The following TMEM164 variants were observed in gnomAD, a reference collection of about 807,000 sequenced individuals.
TMEM164 encodes the protein RP13-360B22.2.
In TMEM164, 4 loss-of-function variants were observed where a neutral mutation model predicts 18.8. That is an observed-to-expected ratio of 0.21 (90% CI 0.10 to 0.49). TMEM164 has a LOEUF of 0.49. TMEM164 is among the 20% of genes least tolerant of loss of function. TMEM164 has a pLI of 0.98. For missense variants in TMEM164, 108 were observed against 239.9 expected (o/e 0.45, Z 3.63); for synonymous variants, 86 against 101.7 (o/e 0.85, Z 0.93).
intron 3 of TMEM164, among the ~76,000 whole-genome samples, chrX:110,105,749 ATGAGAGAGAGAGAG>A (rs2066188820): frequency 1.9e-5 from 1 of 53,914 alleles, no homozygotes; most frequent in Non-Finnish European, 3.5e-5. Context: ...GAGAGAGAGA[ATGAGAGAGAGAGAG>A]AGAGAGAGAG....
chrX:110,022,588 C>T (rs996364301), intron 2 of TMEM164, among the ~76,000 whole-genome samples: 3 of 111,360 alleles, frequency 2.7e-5, no homozygotes, highest in African/African-American at 3.3e-5. Context: ...TAAAATCTGA[C>T]GTATTTGAAA....
At chrX:110,009,534 G>A (rs1932906731) in intron 2 of TMEM164, among the ~76,000 whole-genome samples, 1 of 111,935 alleles carries the variant, frequency 8.9e-6, no homozygotes. Context: ...TTAAAGTAAA[G>A]GAGTAGTGGA....
intron 2 of TMEM164, among the ~76,000 whole-genome samples, chrX:110,031,721 G>T (rs1934518049): frequency 9.0e-6 from 1 of 110,522 alleles, no homozygotes; most frequent in East Asian, 2.8e-4. Flanking sequence ...GAAGTACAGT[G>T]TGAGATTTTG....
At chrX:110,027,502 G>A (rs1405680004) in intron 2 of TMEM164, among the ~76,000 whole-genome samples, 1 of 111,683 alleles carries the variant, frequency 9.0e-6, no homozygotes, top group Non-Finnish European at 1.9e-5. Context: ...TCACATGCCT[G>A]TAATCCTAGC....
intron 2 of TMEM164, among the ~76,000 whole-genome samples, chrX:110,035,748 G>A (rs867190663): frequency 2.8e-5 from 3 of 108,083 alleles, no homozygotes; most frequent in Non-Finnish European, 3.8e-5. Context: ...CAAGTGATCC[G>A]CCCACTTCGG....
chrX:110,044,803 C>T (rs900633221), intron 2 of TMEM164, among the ~76,000 whole-genome samples: 2 of 108,319 alleles, frequency 1.8e-5, no homozygotes, highest in Non-Finnish European at 3.8e-5. Context: ...CTCCTCTGTC[C>T]TAGGCACTTG....
intron 4 of TMEM164, among the ~76,000 whole-genome samples, chrX:110,127,870 T>G (rs1280734162): frequency 8.9e-6 from 1 of 111,902 alleles, no homozygotes; most frequent in African/African-American, 3.2e-5. Flanking sequence ...CCATGGACCC[T>G]GCGTATGATA....
intron 5 of TMEM164, among the ~76,000 whole-genome samples, chrX:110,166,289 T>C (rs1240770179): frequency 8.9e-6 from 1 of 112,612 alleles, no homozygotes; most frequent in Non-Finnish European, 1.9e-5. Context: ...TCAGTGTCCC[T>C]GTTACTTAAT....
rs1396577064 is a variant in TMEM164 at position 110,133,311 on chromosome X, T to C, written c.508-11487T>C. Reference sequence around the variant, plus strand: ...GATTGCAGGCACCTGCCACCACACCTGGCTAATTTTTGTACTTTTAGTAGA... The same window carrying C: ...GATTGCAGGCACCTGCCACCACACCCGGCTAATTTTTGTACTTTTAGTAGA... On this transcript the variant is annotated intron_variant, in intron 4 of 6. Transcript: ENST00000372068. 2.7e-5 allele frequency among the ~76,000 whole-genome samples: 3 copies of C among 111,271 alleles called. No individual in the cohort carries two copies. The Admixed American group carries it at 2.8e-4, about 11-fold the overall frequency.
intron 3 of TMEM164, among the ~76,000 whole-genome samples, chrX:110,075,270 G>C (rs1432024463): frequency 9.0e-6 from 1 of 111,225 alleles, no homozygotes; most frequent in Non-Finnish European, 1.9e-5. Context: ...GAATGTTATT[G>C]GTGTATAGAA....
Position 110,115,444 on chromosome X carries a change from A to G in TMEM164, c.507+6298A>G, listed in dbSNP as rs1025871951. 3.6e-5 allele frequency among the ~76,000 whole-genome samples: 4 copies of G among 111,965 alleles called. No individual in the cohort carries two copies. In the Admixed American group the frequency reaches 3.8e-4, roughly 11 times the overall value. The stretch of plus-strand genomic sequence containing the variant: ...TTCTGCAAAGGCCAGTATGTTTCTG[A>G]TCAGATGAATGCATTGTGTCTGAGG... On this transcript the variant is annotated intron_variant, in intron 4 of 6. Coordinates refer to ENST00000372068, the MANE Select transcript of TMEM164 (RefSeq NM_032227.4).
chrX:110,080,750 GCT>G (rs1023158614), intron 3 of TMEM164, among the ~76,000 whole-genome samples: 8 of 111,583 alleles, frequency 7.2e-5, no homozygotes, highest in African/African-American at 2.3e-4. Context: ...ACCACGTTTT[GCT>G]CTGTTGCCCA....
intron 2 of TMEM164, among the ~76,000 whole-genome samples, chrX:110,060,281 A>AAAAG (rs1404084352): frequency 9.3e-6 from 1 of 107,787 alleles, no homozygotes; most frequent in Non-Finnish European, 1.9e-5. Context: ...AAAAAAAAAA[A>AAAAG]AAAGAAAAGA....
At chrX:110,074,737 C>T (rs1405943949) in intron 3 of TMEM164, among the ~76,000 whole-genome samples, 3 of 111,906 alleles carry the variant, frequency 2.7e-5, no homozygotes, top group Non-Finnish European at 5.6e-5. Context: ...TTGTTTACTT[C>T]TGTTGACTTT....
Position 110,031,654 on chromosome X carries a change from G to A in TMEM164, c.390+27490G>A, listed in dbSNP as rs778836684. ...CTCCTTTTTATAATAATTTTAAAAA[G>A]GTTTTTTTGCTTATTGTTATTATTT... is the stretch of plus-strand genomic sequence containing the variant. On this transcript the variant is annotated intron_variant, in intron 2 of 6. Transcript: ENST00000372068. Among the ~76,000 whole-genome samples the A allele has an allele frequency of 9.1e-5, 10 of 110,131 alleles. No individual in the cohort carries two copies. In the East Asian group the frequency reaches 2.8e-3, roughly 31 times the overall value.
intron 5 of TMEM164, among the ~76,000 whole-genome samples, chrX:110,146,625 C>T (rs2066858838): frequency 8.9e-6 from 1 of 111,794 alleles, no homozygotes; most frequent in South Asian, 3.7e-4. Context: ...TACTCCAGGA[C>T]CTCAATGAGA....
chrX:110,003,505 GCC>G lies in TMEM164; in HGVS notation c.-269_-268del. On this transcript the variant is annotated 5_prime_UTR_variant, in exon 2 of 7. Coordinates refer to ENST00000372068, the MANE Select transcript of TMEM164 (RefSeq NM_032227.4). The stretch of plus-strand genomic sequence containing the variant: ...TTTTCCTCTCCTTCCTTTTAGATTG[GCC>G]AACGGCTCCTTTCAACCCTGCCTCG... The G allele has an allele frequency of 7.1e-6, 2 of 283,159 alleles. No homozygotes were observed. The highest frequency in any genetic ancestry group is 1.1e-4 in the East Asian group (2 of 19,003). 23.3% of individuals were successfully genotyped at this position (283,159 alleles called of 1,213,427 possible).
chrX:110,080,888 A>ATTTTT (rs367869176), intron 3 of TMEM164, among the ~76,000 whole-genome samples: 1 of 74,547 alleles, frequency 1.3e-5, no homozygotes, highest in Non-Finnish European at 2.3e-5. Flanking sequence ...CTAGCTAATA[A>ATTTTT]TTTTTTTTTT....
chrX:110,183,468 T>C (rs1191433568), downstream of TMEM164, among the ~76,000 whole-genome samples: 1 of 112,520 alleles, frequency 8.9e-6, no homozygotes, highest in Non-Finnish European at 1.9e-5. Flanking sequence ...AGTTTGCTCA[T>C]CTACAAAATG....
Sources: allele counts gnomAD v4.1 joint callset (sites outside exome capture counted in the v4.1 genomes callset), GRCh38; gene constraint gnomAD v4.1.1; transcripts MANE v1.5; gene names NCBI Gene and HGNC (gene_info 2026-07-23, HGNC 2026-07-21).